Variants in PALLD observed in about 807,000 individuals in gnomAD.
PALLD encodes palladin.
Under a neutral mutation model 123.5 loss-of-function variants are expected in PALLD, and 61 were observed. The observed-to-expected ratio is 0.49, with a 90% CI of 0.40 to 0.61. PALLD has a LOEUF of 0.61. Ranked by LOEUF, PALLD falls within the 20% of genes least tolerant of loss-of-function variation. The pLI is 0.00. For synonymous variants in PALLD, 465 were observed against 496.4 expected, an observed-to-expected ratio of 0.94 and a Z score of 0.84; for missense variants, 1,273 against 1,377.0, an observed-to-expected ratio of 0.92 and a Z score of 1.20.
At chr4:168,877,786 G>T in intron 10 of PALLD, 1 of 1,210,544 alleles carries the variant, frequency 8.3e-7, no homozygotes. Flanking sequence ...CCGGCGCTCG[G>T]CAGCCTCCGC....
chr4:168,722,195 A>C (rs1185567966), intron 10 of PALLD, among the ~76,000 whole-genome samples: 2 of 152,060 alleles, frequency 1.3e-5, no homozygotes, highest in Non-Finnish European at 1.5e-5. Context: ...CAAGTGCACA[A>C]CACCACACCC....
intron 10 of PALLD, among the ~76,000 whole-genome samples, chr4:168,717,832 A>T (rs1241025838): frequency 6.6e-6 from 1 of 152,240 alleles, no homozygotes; most frequent in Non-Finnish European, 1.5e-5. Context: ...TGTCCAAGTT[A>T]CTTAATTTGG....
chr4:168,722,120 T>C (rs981537314), intron 10 of PALLD, among the ~76,000 whole-genome samples: 9 of 152,146 alleles, frequency 5.9e-5, no homozygotes, highest in Non-Finnish European at 8.8e-5. Context: ...CACAGCTCAT[T>C]GCAACCTTGA....
chr4:168,677,695 C>T (rs1038215832), intron 3 of PALLD, among the ~76,000 whole-genome samples: 3 of 152,086 alleles, frequency 2.0e-5, no homozygotes, highest in African/African-American at 4.8e-5. Flanking sequence ...ACCTTCTGAT[C>T]GCCTTCACTG....
chr4:168,843,010 G>T (rs908439885), intron 10 of PALLD, among the ~76,000 whole-genome samples: 1 of 152,152 alleles, frequency 6.6e-6, no homozygotes, highest in Non-Finnish European at 1.5e-5. Flanking sequence ...GTGTAGTTGT[G>T]TATATGTCAT....
chr4:168,740,534 A>G (rs145602486), intron 10 of PALLD, among the ~76,000 whole-genome samples: 2 of 152,312 alleles, frequency 1.3e-5, no homozygotes, highest in African/African-American at 2.4e-5. Context: ...TAAGTTTCTT[A>G]GTCAATCTTG....
intron 10 of PALLD, among the ~76,000 whole-genome samples, chr4:168,845,334 A>G (rs1057291441): frequency 4.6e-5 from 7 of 152,188 alleles, no homozygotes; most frequent in African/African-American, 4.8e-5. Flanking sequence ...TTCTTTTCCA[A>G]TAGCATCATC....
intron 2 of PALLD, among the ~76,000 whole-genome samples, chr4:168,631,203 G>C (rs10213164): frequency 7.2e-5 from 11 of 152,232 alleles, no homozygotes; most frequent in African/African-American, 2.4e-4. Flanking sequence ...AACGCAGATG[G>C]AGAGTACAAC....
intron 8 of PALLD, among the ~76,000 whole-genome samples, chr4:168,693,031 G>A (rs974110000): frequency 1.3e-5 from 2 of 152,138 alleles, no homozygotes; most frequent in Non-Finnish European, 2.9e-5. Context: ...GAGGGAGGAA[G>A]GAAACATCTC....
At chr4:168,865,874 G>GATTTAGTGAAGGCCACTAA (rs1388617537) in intron 10 of PALLD, among the ~76,000 whole-genome samples, 1 of 152,208 alleles carries the variant, frequency 6.6e-6, no homozygotes, top group Non-Finnish European at 1.5e-5. Context: ...GACCGAGAAT[G>GATTTAGTGAAGGCCACTAA]ATTTAGTGAA....
intron 3 of PALLD, among the ~76,000 whole-genome samples, chr4:168,675,045 G>A (rs141259832): frequency 2.4e-4 from 36 of 152,302 alleles, no homozygotes; most frequent in African/African-American, 8.7e-4. Flanking sequence ...TATGTAAATA[G>A]GAAAGATCCA....
chr4:168,725,874 A>T (rs188244782), intron 10 of PALLD, among the ~76,000 whole-genome samples: 2 of 152,286 alleles, frequency 1.3e-5, no homozygotes, highest in African/African-American at 4.8e-5. Context: ...CTAAAACTCT[A>T]AAAAGAGTAG....
At chr4:168,641,207 C>CA (rs567163235) in intron 2 of PALLD, among the ~76,000 whole-genome samples, 25,967 of 114,320 alleles carry the variant, frequency 0.23, 2,850 homozygotes, top group African/African-American at 0.36. Context: ...GACTCCATCT[C>CA]AAAAAAAAAA....
In PALLD at chr4:168,729,319, C is replaced by T. The variant is rs552431330; in HGVS notation, c.1964+17396C>T. 4.0e-5 allele frequency among the ~76,000 whole-genome samples: 6 copies of T among 151,716 alleles called. No homozygotes were observed. In the South Asian group the frequency reaches 1.3e-3, roughly 32 times the overall value. On this transcript the variant is annotated intron_variant, in intron 10 of 21. Transcript: ENST00000505667. The stretch of plus-strand genomic sequence containing the variant: ...TAGCTGGGACTATAGGCATGCACCA[C>T]CATACCTGGCTAATTTTTTTTTTTT...
intron 6 of PALLD, among the ~76,000 whole-genome samples, chr4:168,688,803 G>A (rs931638546): frequency 1.3e-5 from 2 of 152,030 alleles, no homozygotes; most frequent in African/African-American, 4.8e-5. Flanking sequence ...CATAATCTTA[G>A]GAATAAATCA....
At chr4:168,684,957 A>T (rs1489707150) in intron 5 of PALLD, among the ~76,000 whole-genome samples, 1 of 152,230 alleles carries the variant, frequency 6.6e-6, no homozygotes, top group Non-Finnish European at 1.5e-5. Context: ...GATGAATGTC[A>T]TTGAATAGGT....
intron 2 of PALLD, among the ~76,000 whole-genome samples, chr4:168,645,538 A>G (rs1348534012): frequency 1.3e-5 from 2 of 152,236 alleles, no homozygotes; most frequent in Non-Finnish European, 2.9e-5. Context: ...TTCCTGTGTG[A>G]CTTTGAGACA....
At chr4:168,775,780 T>C (rs1019737987) in intron 10 of PALLD, among the ~76,000 whole-genome samples, 2 of 152,236 alleles carry the variant, frequency 1.3e-5, no homozygotes, top group Non-Finnish European at 2.9e-5. Flanking sequence ...CCAGCACCAT[T>C]TGTTGAAAAG....
intron 1 of PALLD, among the ~76,000 whole-genome samples, chr4:168,501,482 T>G (rs374880371): frequency 7.3e-4 from 111 of 152,276 alleles, no homozygotes; most frequent in South Asian, 4.8e-3. Flanking sequence ...CATTTACCTT[T>G]GAAAGCAATA....
Sources: gnomAD v4.1 joint callset for allele counts (sites outside exome capture counted in the v4.1 genomes callset) on GRCh38, gnomAD v4.1.1 for gene constraint, MANE v1.5 for transcripts, NCBI Gene and HGNC (gene_info 2026-07-23, HGNC 2026-07-21) for gene names.